The following SGSM1 variants were observed in gnomAD, a reference collection of about 807,000 sequenced individuals.
SGSM1 encodes the protein RUN and TBC1 domain containing 2.
Under a neutral mutation model 133.8 loss-of-function variants are expected in SGSM1, and 73 were observed. That is an observed-to-expected ratio of 0.55 (90% CI 0.45 to 0.66). The LOEUF is 0.66. Among genes scored for constraint, SGSM1 ranks in the 30% least tolerant of loss-of-function variants. The pLI is 0.00. For synonymous variants in SGSM1, 563 were observed against 573.0 expected, an observed-to-expected ratio of 0.98 and a Z score of 0.25; for missense variants, 1,213 against 1,448.1, an observed-to-expected ratio of 0.84 and a Z score of 2.64.
intron 18 of SGSM1, among the ~76,000 whole-genome samples, 173 bp downstream of exon 18, chr22:24,895,464 T>G (rs542794684): frequency 1.3e-5 from 2 of 152,378 alleles, no homozygotes; most frequent in African/African-American, 4.8e-5. Context: ...AAGAAATATA[T>G]GGATCTATCA....
At chr22:24,806,610 C>G (rs1927404504) in intron 2 of SGSM1, 126 bp downstream of exon 2, 3 of 1,190,720 alleles carry the variant, frequency 2.5e-6, no homozygotes, top group Non-Finnish European at 3.3e-6. Flanking sequence ...TGGGGCTCAC[C>G]TGGGTGGGCA....
chr22:24,835,939 T>C (rs1457500051), intron 2 of SGSM1, among the ~76,000 whole-genome samples: 1 of 152,204 alleles, frequency 6.6e-6, no homozygotes, highest in Non-Finnish European at 1.5e-5. Flanking sequence ...TGTGAACATA[T>C]ACCATATGCA....
At chr22:24,889,141 T>C (rs1485684632) in intron 16 of SGSM1, among the ~76,000 whole-genome samples, 1 of 151,886 alleles carries the variant, frequency 6.6e-6, no homozygotes, top group Admixed American at 6.6e-5. Flanking sequence ...TTTGTATTTT[T>C]AGTAGAGACG....
At chr22:24,866,006 G>T (rs1230103764) in intron 9 of SGSM1, among the ~76,000 whole-genome samples, 1 of 152,188 alleles carries the variant, frequency 6.6e-6, no homozygotes, top group East Asian at 1.9e-4. Context: ...GGCCTCTGAA[G>T]TTAATCCGCT....
At position 24,908,880 on chromosome 22, in the gene SGSM1, G is replaced by T. The variant is rs937886004; in HGVS notation, c.2818+3693G>T. On this transcript the variant is annotated intron_variant, in intron 21 of 24. Coordinates refer to ENST00000400358, the MANE Select transcript of SGSM1 (RefSeq NM_001098497.3). Reference sequence around the variant, plus strand: ...ATAGACATTTCTCAATAGAATTGAAGATATGCAAATGGCTAATATGCAAAT... The same window carrying T: ...ATAGACATTTCTCAATAGAATTGAATATATGCAAATGGCTAATATGCAAAT... Among the ~76,000 whole-genome samples, 5 of 140,556 alleles carry T rather than the reference G, an allele frequency of 3.6e-5. No individual in the cohort carries two copies. In the South Asian group the frequency reaches 1.1e-3, roughly 31 times the overall value. The allele number at this position is 140,556 out of a possible 152,430, so 92.2% of individuals were successfully genotyped here.
At chr22:24,907,312 T>A (rs1224548567) in intron 21 of SGSM1, among the ~76,000 whole-genome samples, 1 of 151,380 alleles carries the variant, frequency 6.6e-6, no homozygotes, top group African/African-American at 2.4e-5. Flanking sequence ...AATAAAAGAA[T>A]ACAATACTTA....
At chr22:24,821,343 G>A (rs80127984) in intron 2 of SGSM1, among the ~76,000 whole-genome samples, 3,028 of 152,248 alleles carry the variant, frequency 0.02, 100 homozygotes, top group African/African-American at 0.069. Context: ...AGCCTGAGCC[G>A]ATATCTTGAT....
At chr22:24,874,770 G>A (rs1299729806) in intron 12 of SGSM1, among the ~76,000 whole-genome samples, 3 of 152,220 alleles carry the variant, frequency 2.0e-5, no homozygotes, top group African/African-American at 7.2e-5. Flanking sequence ...AGTAGCGAAG[G>A]GATCAATTGG....
intron 4 of SGSM1, 46 bp downstream of exon 4, chr22:24,847,842 G>A (rs775605560): frequency 1.3e-6 from 2 of 1,595,568 alleles, no homozygotes; most frequent in East Asian, 4.5e-5. Context: ...TCCCCCAATA[G>A]TCCACAGTCC....
At chr22:24,911,033 T>G (rs1311585564) in intron 21 of SGSM1, among the ~76,000 whole-genome samples, 1 of 151,928 alleles carries the variant, frequency 6.6e-6, no homozygotes, top group Non-Finnish European at 1.5e-5. Context: ...GTGGGCAGAT[T>G]GTGACTAGCC....
At chr22:24,809,805 A>G (rs1927627120) in intron 2 of SGSM1, among the ~76,000 whole-genome samples, 1 of 152,220 alleles carries the variant, frequency 6.6e-6, no homozygotes, top group South Asian at 2.1e-4. Flanking sequence ...GGATAATTAC[A>G]GGCTGTGAAC....
intron 21 of SGSM1, among the ~76,000 whole-genome samples, chr22:24,908,899 T>C (rs1010544989): frequency 2.0e-5 from 3 of 152,066 alleles, no homozygotes; most frequent in East Asian, 1.9e-4. Flanking sequence ...ATGGCTAATA[T>C]GCAAATGGCC....
chr22:24,877,802 C>CT (rs36036968), intron 13 of SGSM1, among the ~76,000 whole-genome samples: 18,899 of 75,384 alleles, frequency 0.25, 4,771 homozygotes, highest in Non-Finnish European at 0.33. Context: ...TTCTTTCTTT[C>CT]TTTTTTTTTT....
chr22:24,883,749 G>A lies in SGSM1; in HGVS notation c.1496-304G>A, dbSNP rs552071002. ...AAGCAGGAGGATCACTTGAGTCCAG[G>A]AGTTCGAGGCCAGCCTGGGCAAGAT... On this transcript the variant is annotated intron_variant, in intron 14 of 24. Transcript: ENST00000400358. 1.2e-4 allele frequency among the ~76,000 whole-genome samples: 19 copies of A among 152,272 alleles called. No individual in the cohort carries two copies. In the Middle Eastern group the frequency reaches 0.01, roughly 82 times the overall value.
chr22:24,841,115 G>A (rs573010916), intron 2 of SGSM1, among the ~76,000 whole-genome samples: 1 of 152,300 alleles, frequency 6.6e-6, no homozygotes, highest in South Asian at 2.1e-4. Context: ...CTCCCAAAGT[G>A]CTGGGATTAC....
chr22:24,882,014 G>GC lies in SGSM1; in HGVS notation c.1496-2039_1496-2038insC, dbSNP rs369928487. On this transcript the variant is annotated intron_variant, in intron 14 of 24. Transcript: ENST00000400358. ...CATCTCCCTGGTTACTGACTTGGGG[G>GC]GGGGCCTTTTTAATCCAGCTTCAAT... Among the ~76,000 whole-genome samples, 958 of 151,970 alleles carry GC rather than the reference G, an allele frequency of 6.3e-3. 11 individuals carry two copies. Among genetic ancestry groups the GC allele is most frequent in the African/African-American group, 0.022 (894 of 41,458 alleles).
chr22:24,841,040 C>T (rs528113208), intron 2 of SGSM1, among the ~76,000 whole-genome samples: 83 of 152,062 alleles, frequency 5.5e-4, no homozygotes, highest in East Asian at 1.6e-3. Flanking sequence ...TTAGTAGAGA[C>T]GGGGTTTCAC....
intron 17 of SGSM1, among the ~76,000 whole-genome samples, chr22:24,894,153 C>A (rs1291332168): frequency 6.6e-6 from 1 of 152,288 alleles, no homozygotes; most frequent in Non-Finnish European, 1.5e-5. Context: ...CCTGTAATCC[C>A]AGTACTTTGG....
rs1934177596 is a variant in SGSM1, at chr22:24,925,723, AG to A, written c.*1451del. ...TTTCTCTAAGTGCAGTTACTCACTC[AG>A]GACAAAGGAGGAAAAGGAAGGCAGA... On this transcript the variant is annotated 3_prime_UTR_variant, in exon 25 of 25. Transcript: ENST00000400358. 1.3e-5 allele frequency: 2 copies of A among 152,260 alleles called. No homozygotes were observed. The highest frequency in any genetic ancestry group is 6.5e-5 in the Admixed American group (1 of 15,282). The allele number at this position is 152,260 out of a possible 1,614,324, so 9.4% of individuals were successfully genotyped here.
Sources: gnomAD v4.1 joint callset for allele counts (sites outside exome capture counted in the v4.1 genomes callset) on GRCh38, gnomAD v4.1.1 for gene constraint, MANE v1.5 for transcripts, NCBI Gene and HGNC (gene_info 2026-07-23, HGNC 2026-07-21) for gene names.